CDC42SE2: variants seen among roughly 807,000 people sequenced by gnomAD.
CDC42SE2 encodes CDC42 small effector 2, also known as CDC42 small effector protein 2.
In CDC42SE2, 3 loss-of-function variants were observed where a neutral mutation model predicts 11.5. That is an observed-to-expected ratio of 0.26 (90% confidence interval 0.12 to 0.67). The LOEUF (loss-of-function observed/expected upper bound fraction) is 0.67. Ranked by LOEUF, CDC42SE2 falls within the 30% of genes least tolerant of loss-of-function variation. The pLI is 0.80. For synonymous variants in CDC42SE2, 33 were observed against 34.8 expected, an observed-to-expected ratio of 0.95 and a Z score of 0.18; for missense variants, 82 against 106.8, an observed-to-expected ratio of 0.77 and a Z score of 1.02.
At chr5:131,215,478 C>A in the CDC42SE2 span, among the ~76,000 whole-genome samples, 1 of 152,228 alleles carries the variant, frequency 6.6e-6, no homozygotes, top group Non-Finnish European at 1.5e-5. Context: ...ATGCCCTTCA[C>A]CCCTTACCTC....
chr5:131,390,111 T>C (rs1300836994), intron 4 of CDC42SE2, among the ~76,000 whole-genome samples: 3 of 152,206 alleles, frequency 2.0e-5, no homozygotes, highest in Non-Finnish European at 2.9e-5. Flanking sequence ...CTTAACCCTT[T>C]TACAGATAAG....
rs1044477225 is a variant in CDC42SE2 at position 131,310,418 on chromosome 5, A to G, written c.-454-5558A>G. ...TGGTGTGGTGCTGAAAAAAATGTAT[A>G]TTCTGTTGATTTGGGGTGGAGAGTT... is the stretch of plus-strand genomic sequence containing the variant. On this transcript the variant is annotated intron_variant, in intron 1 of 4. Coordinates refer to ENST00000505065, the MANE Select transcript of CDC42SE2 (RefSeq NM_001375635.1). Among the ~76,000 whole-genome samples the G allele has an allele frequency of 1.8e-3, 278 of 151,936 alleles. 1 individual carries two copies. The highest frequency in any genetic ancestry group is 6.2e-3 in the African/African-American group (258 of 41,404).
At chr5:131,386,964 A>G (rs1237669062) in intron 4 of CDC42SE2, among the ~76,000 whole-genome samples, 1 of 152,194 alleles carries the variant, frequency 6.6e-6, no homozygotes, top group Admixed American at 6.5e-5. Context: ...ATGACATTTG[A>G]ACCTTGCCGG....
chr5:131,261,437 A>T (rs1282177558), upstream of CDC42SE2: 1 of 152,244 alleles, frequency 6.6e-6, no homozygotes, highest in Non-Finnish European at 1.5e-5. Context: ...ATAAAAAATC[A>T]AATTGTAACA....
At chr5:131,357,689 G>C (rs1749591043) in intron 2 of CDC42SE2, among the ~76,000 whole-genome samples, 1 of 152,192 alleles carries the variant, frequency 6.6e-6, no homozygotes, top group Non-Finnish European at 1.5e-5. Flanking sequence ...TTTAGTCTTT[G>C]ATCTTTTCAT....
chr5:131,240,462 G>A, the CDC42SE2 span, among the ~76,000 whole-genome samples: 2 of 152,150 alleles, frequency 1.3e-5, no homozygotes. Flanking sequence ...TTGAGCTTCA[G>A]GTAGATTTTA....
intron 1 of CDC42SE2, among the ~76,000 whole-genome samples, chr5:131,247,684 C>A (rs1225163325): frequency 1.3e-5 from 2 of 152,138 alleles, no homozygotes; most frequent in Admixed American, 1.3e-4. Flanking sequence ...CACTCTCACT[C>A]AGGCTGGAGT....
chr5:131,230,829 G>T, the CDC42SE2 span, among the ~76,000 whole-genome samples: 1 of 152,136 alleles, frequency 6.6e-6, no homozygotes, highest in East Asian at 1.9e-4. Flanking sequence ...CTATTGAGAC[G>T]TTAATATAGC....
In CDC42SE2 at chr5:131,394,160, G is replaced by GAATT. The variant is rs1561442699; in HGVS notation, c.*3072_*3075dup. On this transcript the variant is annotated 3_prime_UTR_variant, in exon 5 of 5. Transcript: ENST00000505065. Reference sequence around the variant, plus strand: ...GCATATCTCATTTTTAAATTGAAGCGAATTAAATAGGATTTTACTACTCAA... The same window carrying GAATT: ...GCATATCTCATTTTTAAATTGAAGCGAATTAATTAAATAGGATTTTACTACTCAA... 6.6e-6 allele frequency: 1 copy of GAATT among 152,222 alleles called. No homozygotes were observed. Among genetic ancestry groups the GAATT allele is most frequent in the African/African-American group, 2.4e-5 (1 of 41,400 alleles). The allele number at this position is 152,222 out of a possible 1,614,324, so 9.4% of individuals were successfully genotyped here. A position where few individuals can be genotyped will look rare whatever the true frequency, so the allele number is the denominator to read the frequency against.
chr5:131,238,175 G>A, the CDC42SE2 span, among the ~76,000 whole-genome samples: 2 of 151,782 alleles, frequency 1.3e-5, no homozygotes, highest in Admixed American at 6.6e-5. Context: ...GCACTAGGAC[G>A]AATACCTAAT....
intron 1 of CDC42SE2, among the ~76,000 whole-genome samples, chr5:131,284,684 G>A (rs1486261095): frequency 1.3e-5 from 2 of 152,060 alleles, no homozygotes; most frequent in African/African-American, 4.8e-5. Context: ...CTGTTGCCCA[G>A]GTTGGTTGTG....
At chr5:131,234,652 A>G in the CDC42SE2 span, among the ~76,000 whole-genome samples, 21,022 of 151,350 alleles carry the variant, frequency 0.14, 1,564 homozygotes, top group Middle Eastern at 0.23. Context: ...AAAAAAGAAA[A>G]AAAAAGAAAA....
At chr5:131,248,833 A>T in intron 1 of CDC42SE2, among the ~76,000 whole-genome samples, 1 of 152,134 alleles carries the variant, frequency 6.6e-6, no homozygotes, top group African/African-American at 2.4e-5. Flanking sequence ...GGAGAGCTGT[A>T]CCTGTGTTAA....
chr5:131,329,049 G>T (rs1758356952), intron 2 of CDC42SE2, among the ~76,000 whole-genome samples: 1 of 152,214 alleles, frequency 6.6e-6, no homozygotes, highest in African/African-American at 2.4e-5. Context: ...AAGAGTGAAT[G>T]CCAAGAGGAT....
intron 3 of CDC42SE2, among the ~76,000 whole-genome samples, chr5:131,373,421 A>G (rs903518276): frequency 6.6e-6 from 1 of 152,206 alleles, no homozygotes; most frequent in African/African-American, 2.4e-5. Context: ...CCTTCATCTT[A>G]GAATGCCTGC....
In CDC42SE2 at chr5:131,339,691, T is replaced by C. The variant is rs1485416350; in HGVS notation, c.-285-19518T>C. On this transcript the variant is annotated intron_variant, in intron 2 of 4. Coordinates refer to ENST00000505065, the MANE Select transcript of CDC42SE2 (RefSeq NM_001375635.1). ...GCGTGGTGGTGGGCGCCTGTTGTAG[T>C]CCCAGCTACTTGTGAGGCTGAGGCA... 2.0e-5 allele frequency among the ~76,000 whole-genome samples: 3 copies of C among 151,446 alleles called. No individual in the cohort carries two copies. The East Asian group carries it at 5.8e-4, about 29-fold the overall frequency.
chr5:131,214,027 G>A, the CDC42SE2 span, among the ~76,000 whole-genome samples: 7 of 152,192 alleles, frequency 4.6e-5, no homozygotes, highest in Non-Finnish European at 1.0e-4. Flanking sequence ...TGGAAGACCA[G>A]CAAGGAAGTA....
chr5:131,310,938 T>G (rs915038747), intron 1 of CDC42SE2, among the ~76,000 whole-genome samples: 8 of 151,852 alleles, frequency 5.3e-5, no homozygotes, highest in East Asian at 1.9e-4. Flanking sequence ...TTAGTCCATT[T>G]ACATTTAAAG....
At chr5:131,290,319 T>C (rs1186340543) in intron 1 of CDC42SE2, among the ~76,000 whole-genome samples, 1 of 152,112 alleles carries the variant, frequency 6.6e-6, no homozygotes, top group African/African-American at 2.4e-5. Context: ...TATCAAACCT[T>C]ATACTGGGTT....
Sources: gnomAD v4.1 joint callset for allele counts (sites outside exome capture counted in the v4.1 genomes callset) on GRCh38, gnomAD v4.1.1 for gene constraint, MANE v1.5 for transcripts, NCBI Gene and HGNC (gene_info 2026-07-23, HGNC 2026-07-21) for gene names.